Variants in NAV2 observed in about 807,000 individuals in gnomAD.
NAV2 encodes the protein neuron navigator 2, also known as helicase, APC down-regulated 1.
A neutral mutation model predicts 223.2 loss-of-function variants in NAV2; 54 were observed. The ratio of observed to expected loss-of-function variants is 0.24; its 90% CI spans 0.19 to 0.30. The LOEUF is 0.30. Ranked by LOEUF, NAV2 falls within the 10% of genes least tolerant of loss-of-function variation. The pLI, the probability that NAV2 is intolerant of heterozygous loss-of-function variation, is 1.00. For synonymous variants in NAV2, 1,279 were observed against 1,239.3 expected (o/e 1.03, Z -0.67); for missense variants, 2,806 against 3,147.5 (o/e 0.89, Z 2.60).
chr11:20,075,933 A>G (rs1407753839), intron 22 of NAV2, among the ~76,000 whole-genome samples: 1 of 149,904 alleles, frequency 6.7e-6, no homozygotes, highest in Non-Finnish European at 1.5e-5. Context: ...CTGTGTTTCT[A>G]CTCCCCCTGT....
intron 1 of NAV2, among the ~76,000 whole-genome samples, chr11:19,586,149 C>A (rs1226954915): frequency 2.0e-5 from 3 of 152,130 alleles, no homozygotes; most frequent in Non-Finnish European, 4.4e-5. Flanking sequence ...TCACTGATAC[C>A]CTTTCTTCCA....
chr11:19,676,481 GAAA>G lies in NAV2; in HGVS notation c.76-155993_76-155991del, dbSNP rs3043464. Among the ~76,000 whole-genome samples, 13 of 151,360 alleles carry G rather than the reference GAAA, an allele frequency of 8.6e-5. No homozygotes were observed. In the South Asian group the frequency reaches 2.1e-3, roughly 24 times the overall value. On this transcript the variant is annotated intron_variant, in intron 1 of 37. Transcript: ENST00000360655. ...AGTGTTTCCCTCCTTACCTCTCCCT[GAAA>G]AAAAAAAAATTTTTAGAAAGCAATT...
chr11:19,966,787 T>C (rs552135149), intron 10 of NAV2, among the ~76,000 whole-genome samples: 3 of 152,348 alleles, frequency 2.0e-5, no homozygotes, highest in Admixed American at 6.5e-5. Flanking sequence ...AGATGGCTTC[T>C]CTTATGTTCT....
intron 1 of NAV2, among the ~76,000 whole-genome samples, chr11:19,650,737 G>A (rs138327121): frequency 6.6e-5 from 10 of 152,214 alleles, no homozygotes; most frequent in African/African-American, 1.2e-4. Flanking sequence ...AATACTACCC[G>A]GCAATTAAAA....
chr11:19,664,295 ATACAGGT>A (rs2048357221), intron 1 of NAV2, among the ~76,000 whole-genome samples: 1 of 152,142 alleles, frequency 6.6e-6, no homozygotes, highest in Non-Finnish European at 1.5e-5. Flanking sequence ...CATCACCTGG[ATACAGGT>A]CCTATAGCTG....
At chr11:19,976,376 GTC>G (rs1402601243) in intron 10 of NAV2, among the ~76,000 whole-genome samples, 4 of 152,118 alleles carry the variant, frequency 2.6e-5, no homozygotes, top group African/African-American at 7.2e-5. Flanking sequence ...TATCTCTTCT[GTC>G]TCTCTCTCTT....
intron 25 of NAV2, 124 bp downstream of exon 25, chr11:20,080,333 A>G (rs1488448310): frequency 2.3e-6 from 2 of 864,846 alleles, no homozygotes; most frequent in Non-Finnish European, 3.5e-6. Flanking sequence ...TTGGGCGTAG[A>G]TCCCAGGAAA....
chr11:20,045,873 A>G (rs530251940), intron 14 of NAV2, among the ~76,000 whole-genome samples: 1 of 152,210 alleles, frequency 6.6e-6, no homozygotes, highest in Non-Finnish European at 1.5e-5. Context: ...GGAATCAATC[A>G]TCTTAGAATC....
Position 19,372,043 on chromosome 11 carries a change from C to A in NAV2, c.75+21016C>A, listed in dbSNP as rs144703324. On this transcript the variant is annotated intron_variant, in intron 1 of 37. Coordinates refer to the NAV2 transcript ENST00000360655. ...ATCCACCCTCCTTGGCCTCCTGAAG[C>A]GCTGGGATTACAGGCATGAGCCACT... Among the ~76,000 whole-genome samples, 26 of 152,140 alleles carry A rather than the reference C, an allele frequency of 1.7e-4. 1 individual carries two copies. The South Asian group carries it at 5.0e-3, about 29-fold the overall frequency.
intron 1 of NAV2, among the ~76,000 whole-genome samples, chr11:19,469,476 C>T (rs540863709): frequency 6.6e-6 from 1 of 152,260 alleles, no homozygotes; most frequent in African/African-American, 2.4e-5. Context: ...TTCCACTGGT[C>T]CTACTAATTA....
chr11:19,966,161 G>C (rs1012466826), intron 10 of NAV2, among the ~76,000 whole-genome samples: 1 of 152,212 alleles, frequency 6.6e-6, no homozygotes. Flanking sequence ...GAGCCCTCCA[G>C]ATTCGAGAGG....
chr11:20,113,503 A>C (rs1318452524), intron 36 of NAV2, among the ~76,000 whole-genome samples: 1 of 152,212 alleles, frequency 6.6e-6, no homozygotes, highest in African/African-American at 2.4e-5. Flanking sequence ...CATGGTGTTG[A>C]TCTTACCATA....
At chr11:19,918,147 C>T (rs1246738338) in intron 6 of NAV2, among the ~76,000 whole-genome samples, 1 of 152,240 alleles carries the variant, frequency 6.6e-6, no homozygotes, top group Non-Finnish European at 1.5e-5. Context: ...CAGTGTGGAG[C>T]TAATGCTGGT....
At chr11:19,656,842 A>G (rs1448512331) in intron 1 of NAV2, among the ~76,000 whole-genome samples, 1 of 152,224 alleles carries the variant, frequency 6.6e-6, no homozygotes, top group Non-Finnish European at 1.5e-5. Flanking sequence ...TATATTTTAT[A>G]GATGGAGCTG....
chr11:19,719,573 T>G (rs949124628), intron 1 of NAV2, among the ~76,000 whole-genome samples: 14 of 152,148 alleles, frequency 9.2e-5, no homozygotes, highest in African/African-American at 2.9e-4. Context: ...TAGGAATATA[T>G]AGTATTGCCT....
At chr11:19,994,791 C>T (rs1449203715) in intron 11 of NAV2, among the ~76,000 whole-genome samples, 1 of 152,156 alleles carries the variant, frequency 6.6e-6, no homozygotes, top group Admixed American at 6.5e-5. Flanking sequence ...AATGTATTTT[C>T]CCAGGGCTGT....
intron 26 of NAV2, 45 bp from the exon 27 acceptor site, chr11:20,090,820 G>T: frequency 6.3e-7 from 1 of 1,597,600 alleles, no homozygotes; most frequent in Non-Finnish European, 8.6e-7. Context: ...TTCAGTAGGG[G>T]ACTAAAAGGA....
intron 1 of NAV2, among the ~76,000 whole-genome samples, chr11:19,512,895 G>A (rs2043323874): frequency 1.3e-5 from 2 of 152,146 alleles, no homozygotes; most frequent in Admixed American, 6.5e-5. Context: ...TGCAAAGAGA[G>A]GGATACAACC....
At chr11:20,007,079 C>A (rs1345748067) in intron 11 of NAV2, among the ~76,000 whole-genome samples, 1 of 152,066 alleles carries the variant, frequency 6.6e-6, no homozygotes, top group Admixed American at 6.5e-5. Context: ...ACCTCAGCCT[C>A]CAGAGTAGTT....
Sources: allele counts gnomAD v4.1 joint callset (sites outside exome capture counted in the v4.1 genomes callset), GRCh38; gene constraint gnomAD v4.1.1; transcripts MANE v1.5; gene names NCBI Gene and HGNC (gene_info 2026-07-23, HGNC 2026-07-21).